ZNF670: variants seen among roughly 807,000 people sequenced by gnomAD.
ZNF670 encodes zinc finger protein 670.
In ZNF670, 7 loss-of-function variants were observed where a neutral mutation model predicts 10.9. The observed-to-expected ratio is 0.64, with a 90% CI of 0.36 to 1.20. The LOEUF (loss-of-function observed/expected upper bound fraction) is 1.20. Ranked by LOEUF, ZNF670 falls within the 50% of genes most tolerant of loss-of-function variation. The probability of loss-of-function intolerance (pLI) is 0.02; values close to 1 mark genes in which losing one functional copy is unlikely to be tolerated. For missense variants in ZNF670, 446 were observed against 458.6 expected, an observed-to-expected ratio of 0.97 and a Z score of 0.25; for synonymous variants, 136 against 152.7, an observed-to-expected ratio of 0.89 and a Z score of 0.81.
In ZNF670 at chr1:247,045,179, T is replaced by C. The variant is rs551408282; in HGVS notation, c.4-5642A>G. On this transcript the variant is annotated intron_variant, in intron 1 of 3. Coordinates refer to ENST00000366503, the MANE Select transcript of ZNF670 (RefSeq NM_033213.5). ...GTGTATAGGAAAAACCAAACTGAAA[T>C]TGGTGAGCTGCTCAAGTTTGAGAAC... Among the ~76,000 whole-genome samples, 6 of 152,210 alleles carry C rather than the reference T, an allele frequency of 3.9e-5. No homozygotes were observed. The South Asian group carries it at 6.2e-4, about 16-fold the overall frequency.
Position 247,078,745 on chromosome 1 carries a change from C to A in ZNF670, c.-149G>T. On this transcript the variant is annotated 5_prime_UTR_variant, in exon 1 of 4. Coordinates refer to ENST00000366503, the MANE Select transcript of ZNF670 (RefSeq NM_033213.5). Reference sequence around the variant, plus strand: ...ACGCACCGAGCTCGCCACATTCGCGCTGCCCAACACAAAAGCCGCGCCAGG... The same window carrying A: ...ACGCACCGAGCTCGCCACATTCGCGATGCCCAACACAAAAGCCGCGCCAGG... The A allele has an allele frequency of 2.4e-6, 2 of 819,552 alleles. No homozygotes were observed. The highest frequency in any genetic ancestry group is 2.9e-5 in the Admixed American group (1 of 34,528). The allele number at this position is 819,552 out of a possible 1,614,324, so 50.8% of individuals were successfully genotyped here.
At chr1:247,067,379 C>G (rs1671006474) in intron 1 of ZNF670, among the ~76,000 whole-genome samples, 1 of 131,332 alleles carries the variant, frequency 7.6e-6, no homozygotes, top group South Asian at 2.5e-4. Context: ...GAGGTTGCAG[C>G]AAACCAAGAT....
Position 247,039,780 on chromosome 1 carries a change from A to T in ZNF670, c.4-243T>A, listed in dbSNP as rs566295533. Among the ~76,000 whole-genome samples, 3 of 152,358 alleles carry T rather than the reference A, an allele frequency of 2.0e-5. No homozygotes were observed. In the South Asian group the frequency reaches 6.2e-4, roughly 32 times the overall value. On this transcript the variant is annotated intron_variant, in intron 1 of 3. Transcript: ENST00000366503. The stretch of plus-strand genomic sequence containing the variant: ...GAACACCTGTCTCATTGGCAGGTGC[A>T]GGGAATAAACTGTGCTGTAAGAAAT...
At chr1:247,061,406 C>T (rs557661869) in intron 1 of ZNF670, among the ~76,000 whole-genome samples, 23 of 152,040 alleles carry the variant, frequency 1.5e-4, no homozygotes, top group Non-Finnish European at 2.9e-4. Context: ...TAGTCTTGAA[C>T]TTCTGACCTC....
At chr1:247,067,001 T>C (rs143910638) in intron 1 of ZNF670, among the ~76,000 whole-genome samples, 338 of 152,308 alleles carry the variant, frequency 2.2e-3, no homozygotes, top group African/African-American at 7.6e-3. Flanking sequence ...CATGTATTGA[T>C]AGACATTATT....
chr1:247,058,662 T>C (rs74155750), intron 1 of ZNF670, among the ~76,000 whole-genome samples: 4,074 of 139,464 alleles, frequency 0.029, 191 homozygotes, highest in African/African-American at 0.1. Flanking sequence ...AAAATGTTCA[T>C]CAGAAATAAA....
chr1:247,043,866 G>T, intron 1 of ZNF670: 1 of 322,172 alleles, frequency 3.1e-6, no homozygotes, highest in South Asian at 2.8e-5. Flanking sequence ...CTAATGAAGA[G>T]GAAAAAAGGA....
intron 1 of ZNF670, among the ~76,000 whole-genome samples, chr1:247,040,944 C>A (rs1670291285): frequency 6.6e-6 from 1 of 152,188 alleles, no homozygotes; most frequent in Non-Finnish European, 1.5e-5. Context: ...ATCTGCCTGC[C>A]TTGGCCTCCC....
chr1:247,042,522 G>A (rs1170053030), intron 1 of ZNF670, among the ~76,000 whole-genome samples: 1 of 152,202 alleles, frequency 6.6e-6, no homozygotes, highest in Non-Finnish European at 1.5e-5. Flanking sequence ...GTTTTCTGTT[G>A]AGGGTAGGTG....
intron 1 of ZNF670, among the ~76,000 whole-genome samples, chr1:247,058,669 T>C (rs956299048): frequency 8.4e-6 from 1 of 119,110 alleles, no homozygotes; most frequent in African/African-American, 3.4e-5. Context: ...TCATCAGAAA[T>C]AAAAGAGGTT....
At position 247,078,587 on chromosome 1, in the gene ZNF670, C is replaced by T. The variant is rs745824633; in HGVS notation, c.3+7G>A. 55 of 1,613,996 alleles carry T rather than the reference C, an allele frequency of 3.4e-5. No individual in the cohort carries two copies. Among genetic ancestry groups the T allele is most frequent in the Non-Finnish European group, 4.7e-5 (55 of 1,179,934 alleles). On this transcript the variant is annotated splice_region_variant and intron_variant, in intron 1 of 3. Transcript: ENST00000366503. ...CCCTTCCCGAGACACCTGGCCGGCA[C>T]ACTCACCATTTCCCAGTCTCCGGTG...
intron 1 of ZNF670, among the ~76,000 whole-genome samples, chr1:247,046,482 G>A (rs1670451557): frequency 6.6e-6 from 1 of 152,212 alleles, no homozygotes; most frequent in Non-Finnish European, 1.5e-5. Flanking sequence ...GAGGGCACAA[G>A]CCATAAGCCT....
rs533258315 is a variant in ZNF670, at chr1:247,038,489, C to T, written c.192-62G>A. 4 of 1,491,532 alleles carry T rather than the reference C, an allele frequency of 2.7e-6. No homozygotes were observed. In the East Asian group the frequency reaches 9.1e-5, roughly 34 times the overall value. The allele number at this position is 1,491,532 out of a possible 1,614,324, so 92.4% of individuals were successfully genotyped here. A position where few individuals can be genotyped will look rare whatever the true frequency, so the allele number is the denominator to read the frequency against. On this transcript the variant is annotated intron_variant, in intron 3 of 3. Coordinates refer to ENST00000366503, the MANE Select transcript of ZNF670 (RefSeq NM_033213.5). ...TTCATGGTTTACATTGCTACTAATA[C>T]CATGGAAAATGCAAGTTTCCTGCCA... is the stretch of plus-strand genomic sequence containing the variant.
intron 3 of ZNF670, among the ~76,000 whole-genome samples, 155 bp downstream of exon 3, chr1:247,038,655 T>G (rs1670227200): frequency 2.0e-5 from 3 of 152,216 alleles, no homozygotes; most frequent in Admixed American, 2.0e-4. Flanking sequence ...CTGAAAATAT[T>G]GAACATCAAT....
chr1:247,039,060 C>CTTTTTTTTTTTTTTTTTTTTTTT, intron 2 of ZNF670, among the ~76,000 whole-genome samples, 190 bp from the exon 3 acceptor site: 1 of 125,640 alleles, frequency 8.0e-6, no homozygotes, highest in Non-Finnish European at 1.6e-5. Flanking sequence ...TTCTTTCTTT[C>CTTTTTTTTTTTTTTTTTTTTTTT]TTTTTTTTTT....
At chr1:247,055,195 T>A (rs1558341977) in intron 1 of ZNF670, among the ~76,000 whole-genome samples, 1 of 152,340 alleles carries the variant, frequency 6.6e-6, no homozygotes, top group East Asian at 1.9e-4. Context: ...CCAGCGGGCT[T>A]CCAGGAAATA....
rs1009038133 is a variant in ZNF670 at position 247,078,690 on chromosome 1, T to G, written c.-94A>C. The G allele has an allele frequency of 2.1e-6, 3 of 1,418,752 alleles. No individual in the cohort carries two copies. Among genetic ancestry groups the G allele is most frequent in the Non-Finnish European group, 3.0e-6 (3 of 1,013,252 alleles). The allele number at this position is 1,418,752 out of a possible 1,614,324, so 87.9% of individuals were successfully genotyped here. On this transcript the variant is annotated 5_prime_UTR_variant, in exon 1 of 4. Transcript: ENST00000366503. ...AAGCTGCCGCGGGACCACTTGGACC[T>G]CCCAGGGATAAGGGGAAGGAGCAGC...
At chr1:247,046,955 G>A (rs1018925424) in intron 1 of ZNF670, among the ~76,000 whole-genome samples, 36 of 152,222 alleles carry the variant, frequency 2.4e-4, no homozygotes, top group Admixed American at 2.0e-3. Context: ...CCAAAATCCA[G>A]CAGGGCAATA....
chr1:247,078,525 G>A (rs1671309047), intron 1 of ZNF670, 69 bp downstream of exon 1: 9 of 1,602,748 alleles, frequency 5.6e-6, no homozygotes, highest in East Asian at 2.2e-5. Context: ...GGGGAGGTCC[G>A]GGTTCGCCAC....
Sources: gnomAD v4.1 joint callset for allele counts (sites outside exome capture counted in the v4.1 genomes callset) on GRCh38, gnomAD v4.1.1 for gene constraint, MANE v1.5 for transcripts, NCBI Gene and HGNC (gene_info 2026-07-23, HGNC 2026-07-21) for gene names.